Variants in KIRREL3 observed in about 807,000 individuals in gnomAD.
KIRREL3 encodes kirre like nephrin family adhesion molecule 3, also known as kin of IRRE-like protein 3.
KIRREL3 carries 36 observed loss-of-function variants against 89.7 expected under a neutral mutation model. The ratio of observed to expected loss-of-function variants is 0.40; its 90% confidence interval spans 0.31 to 0.53. KIRREL3 has a LOEUF of 0.53. Ranked by LOEUF, KIRREL3 falls within the 20% of genes least tolerant of loss-of-function variation. The pLI is 0.49. For missense variants in KIRREL3, 864 were observed against 1,056.6 expected (o/e 0.82, Z 2.53); for synonymous variants, 445 against 441.4 (o/e 1.01, Z -0.10).
At position 126,612,528 on chromosome 11, in the gene KIRREL3, A is replaced by T. The variant is rs1299823271; in HGVS notation, c.56-49616T>A. On this transcript the variant is annotated intron_variant, in intron 1 of 16. Transcript: ENST00000525144. The surrounding 1 kb of genome is among the most constrained non-coding windows in gnomAD (Gnocchi z 4.5). ...AAAAAAGAGATGTTGTTCATATAAC[A>T]TAACATTTTCCCCTTTAAAATAGAC... 6.6e-6 allele frequency among the ~76,000 whole-genome samples: 1 copy of T among 152,236 alleles called. No homozygotes were observed. Among genetic ancestry groups the T allele is most frequent in the Non-Finnish European group, 1.5e-5 (1 of 68,048 alleles).
chr11:126,717,147 C>A (rs990934308), intron 1 of KIRREL3, among the ~76,000 whole-genome samples: 1 of 152,158 alleles, frequency 6.6e-6, no homozygotes, highest in African/African-American at 2.4e-5. Context: ...TAGACCTTCA[C>A]GCTGGTCCTT....
At chr11:126,738,261 C>T (rs1349316366) in intron 1 of KIRREL3, among the ~76,000 whole-genome samples, 1 of 152,090 alleles carries the variant, frequency 6.6e-6, no homozygotes, top group Non-Finnish European at 1.5e-5. Flanking sequence ...GGGGAGTAGC[C>T]TCCAACAGCC....
Position 126,668,733 on chromosome 11 carries a change from C to CTTTT in KIRREL3, c.56-105822_56-105821insAAAA, listed in dbSNP as rs1565634697. Among the ~76,000 whole-genome samples, 1 of 107,212 alleles carries CTTTT rather than the reference C, an allele frequency of 9.3e-6. No individual in the cohort carries two copies. The highest frequency in any genetic ancestry group is 2.1e-5 in the Non-Finnish European group (1 of 47,478). The allele number at this position is 107,212 out of a possible 152,430, so 70.3% of individuals were successfully genotyped here. On this transcript the variant is annotated intron_variant, in intron 1 of 16. Coordinates refer to ENST00000525144, the MANE Select transcript of KIRREL3 (RefSeq NM_032531.4). The surrounding 1 kb of genome is among the most constrained non-coding windows in gnomAD (Gnocchi z 4.4). ...TCTTTCTTTCTTTCTTTCTTTCTTT[C>CTTTT]TTTCTTTCTTTCTTTCTTTCTTTTT... is the stretch of plus-strand genomic sequence containing the variant.
At position 126,964,374 on chromosome 11, in the gene KIRREL3, C is replaced by T. The variant is rs149764264; in HGVS notation, c.55+36081G>A. Reference sequence around the variant, plus strand: ...TGGCATGTGGGCAACACCCCCTTCTCCCCCATAGATAGATAGTTTTAGCTC... The same window carrying T: ...TGGCATGTGGGCAACACCCCCTTCTTCCCCATAGATAGATAGTTTTAGCTC... On this transcript the variant is annotated intron_variant, in intron 1 of 16. Transcript: ENST00000525144. 5.3e-3 allele frequency among the ~76,000 whole-genome samples: 811 copies of T among 152,244 alleles called. 8 individuals are homozygous for T. Among genetic ancestry groups the T allele is most frequent in the African/African-American group, 0.018 (749 of 41,546 alleles).
chr11:126,955,228 G>GT lies in KIRREL3; in HGVS notation c.55+45226dup, dbSNP rs1948887938. 6.6e-6 allele frequency among the ~76,000 whole-genome samples: 1 copy of GT among 152,216 alleles called. No homozygotes were observed. The highest frequency in any genetic ancestry group is 6.5e-5 in the Admixed American group (1 of 15,288). ...AAGGAGATGGCAAAGTGAAAAGCAA[G>GT]TTGCTTTAACCCTGAAAGAAAGTAT... On this transcript the variant is annotated intron_variant, in intron 1 of 16. Transcript: ENST00000525144. This position sits in a 1 kb window ranked among gnomAD's most constrained non-coding sequence, Gnocchi z 4.6.
chr11:126,925,620 C>T (rs924853459), intron 1 of KIRREL3, among the ~76,000 whole-genome samples: 4 of 152,166 alleles, frequency 2.6e-5, no homozygotes, highest in East Asian at 1.9e-4. Context: ...GGCCACCAGC[C>T]GTCCAGCTTC....
At chr11:126,758,363 G>A (rs777616108) in intron 1 of KIRREL3, among the ~76,000 whole-genome samples, 1 of 152,186 alleles carries the variant, frequency 6.6e-6, no homozygotes, top group Admixed American at 6.5e-5. Flanking sequence ...CAAGTAATTT[G>A]TAGTAGTACT....
intron 1 of KIRREL3, among the ~76,000 whole-genome samples, chr11:126,964,525 C>A (rs987850418): frequency 3.9e-5 from 6 of 152,272 alleles, no homozygotes; most frequent in Non-Finnish European, 7.4e-5. Flanking sequence ...AATCTAAGAT[C>A]AGGAATTCTC....
At chr11:126,942,895 C>T (rs1428655302) in intron 1 of KIRREL3, among the ~76,000 whole-genome samples, 1 of 152,192 alleles carries the variant, frequency 6.6e-6, no homozygotes, top group Admixed American at 6.5e-5. Flanking sequence ...TTGTAAACTC[C>T]TCTACAGCCC....
intron 1 of KIRREL3, among the ~76,000 whole-genome samples, chr11:126,862,843 G>A (rs1342039241): frequency 1.3e-5 from 2 of 152,130 alleles, no homozygotes; most frequent in African/African-American, 2.4e-5. Flanking sequence ...GTAGACACTC[G>A]AGGCCCGGTC....
chr11:126,529,859 GT>G lies in KIRREL3; in HGVS notation c.134-3173del, dbSNP rs60236598. On this transcript the variant is annotated intron_variant, in intron 2 of 16. Transcript: ENST00000525144. Reference sequence around the variant, plus strand: ...TTACTTTTCTCTTTTAAACCAATGAGTTTTTTTTTTTTTTTTCAAATGAATC... The same window carrying G: ...TTACTTTTCTCTTTTAAACCAATGAGTTTTTTTTTTTTTTTCAAATGAATC... Among the ~76,000 whole-genome samples, 650 of 141,040 alleles carry G rather than the reference GT, an allele frequency of 4.6e-3. 2 individuals are homozygous for G. Among genetic ancestry groups the G allele is most frequent in the East Asian group, 9.4e-3 (42 of 4,466 alleles). 92.5% of individuals were successfully genotyped at this position (141,040 alleles called of 152,430 possible). A position where few individuals can be genotyped will look rare whatever the true frequency, so the allele number is the denominator to read the frequency against.
At chr11:126,448,768 C>T (rs1196710028) in intron 8 of KIRREL3, among the ~76,000 whole-genome samples, 2 of 152,150 alleles carry the variant, frequency 1.3e-5, no homozygotes, top group Non-Finnish European at 2.9e-5. Flanking sequence ...TTTAAGCCAC[C>T]GAGTCTATGG....
rs1326492532 is a variant in KIRREL3, at chr11:126,443,634, A to G, written c.1252+1345T>C. On this transcript the variant is annotated intron_variant, in intron 10 of 16. Coordinates refer to ENST00000525144, the MANE Select transcript of KIRREL3 (RefSeq NM_032531.4). The surrounding 1 kb of genome is among the most constrained non-coding windows in gnomAD (Gnocchi z 7.3). ...CAGTGTGGGGGGAGCTGGTGAATGG[A>G]GACAGTAGAGAGGTATGGCTGAGGA... Among the ~76,000 whole-genome samples the G allele has an allele frequency of 6.6e-6, 1 of 151,894 alleles. No homozygotes were observed. Among genetic ancestry groups the G allele is most frequent in the Non-Finnish European group, 1.5e-5 (1 of 67,952 alleles).
chr11:126,506,569 G>A (rs994828899), intron 4 of KIRREL3, among the ~76,000 whole-genome samples: 4 of 152,218 alleles, frequency 2.6e-5, no homozygotes, highest in African/African-American at 9.7e-5. Flanking sequence ...ACCTGTAACA[G>A]TGTTGGCAAG....
Position 126,474,161 on chromosome 11 carries a change from C to G in KIRREL3, c.434-695G>C, listed in dbSNP as rs1211398084. On this transcript the variant is annotated intron_variant, in intron 4 of 16. Transcript: ENST00000525144. The surrounding 1 kb of genome is among the most constrained non-coding windows in gnomAD (Gnocchi z 6.7). ...ATGGGGTTTCACCATGTTGGCCAGG[C>G]TGGTCTCGAACTCCTGACCTCAGGT... Among the ~76,000 whole-genome samples the G allele has an allele frequency of 6.6e-6, 1 of 152,160 alleles. No individual in the cohort carries two copies. Among genetic ancestry groups the G allele is most frequent in the Non-Finnish European group, 1.5e-5 (1 of 68,028 alleles).
intron 7 of KIRREL3, among the ~76,000 whole-genome samples, chr11:126,451,744 G>A (rs972716903): frequency 6.6e-6 from 1 of 152,230 alleles, no homozygotes; most frequent in African/African-American, 2.4e-5. Flanking sequence ...GAAGTTGGGG[G>A]CTTCCTTACG....
Position 126,911,879 on chromosome 11 carries a change from A to G in KIRREL3, c.55+88576T>C, listed in dbSNP as rs1288772882. Among the ~76,000 whole-genome samples, 3 of 148,078 alleles carry G rather than the reference A, an allele frequency of 2.0e-5. No individual in the cohort carries two copies. The East Asian group carries it at 6.3e-4, about 31-fold the overall frequency. On this transcript the variant is annotated intron_variant, in intron 1 of 16. Coordinates refer to ENST00000525144, the MANE Select transcript of KIRREL3 (RefSeq NM_032531.4). ...GTGCCTGTAGTCCCAGCTACTCGGG[A>G]GGCTGAGGCAGGAGAATGGGGTGAA...
In KIRREL3 at chr11:126,462,870, C is replaced by T. The variant is rs1228489371; in HGVS notation, c.742+287G>A. ...ACAGAGGGGCCACCGGCTAGGCCAG[C>T]AGAGGCAGCAGCTGACCGTATTTAT... On this transcript the variant is annotated intron_variant, in intron 6 of 16. Coordinates refer to ENST00000525144, the MANE Select transcript of KIRREL3 (RefSeq NM_032531.4). The surrounding 1 kb of genome is among the most constrained non-coding windows in gnomAD (Gnocchi z 4.8). 6.6e-6 allele frequency among the ~76,000 whole-genome samples: 1 copy of T among 152,198 alleles called. No individual in the cohort carries two copies. The highest frequency in any genetic ancestry group is 1.5e-5 in the Non-Finnish European group (1 of 68,040).
intron 4 of KIRREL3, among the ~76,000 whole-genome samples, chr11:126,506,775 C>A (rs1032179585): frequency 2.3e-5 from 3 of 129,282 alleles, no homozygotes; most frequent in Non-Finnish European, 4.9e-5. Flanking sequence ...TTCATAGCAA[C>A]AATTTTTTTT....
Sources: gnomAD v4.1 joint callset for allele counts (sites outside exome capture counted in the v4.1 genomes callset) on GRCh38, gnomAD v4.1.1 for gene constraint, Gnocchi (gnomAD v3.1) non-coding constraint, MANE v1.5 for transcripts, NCBI Gene and HGNC (gene_info 2026-07-23, HGNC 2026-07-21) for gene names.